SOCS2: variants seen among roughly 807,000 people sequenced by gnomAD.
SOCS2 encodes the protein suppressor of cytokine signaling 2.
In SOCS2, 10 loss-of-function variants were observed where a neutral mutation model predicts 18.6. The ratio of observed to expected loss-of-function variants is 0.54; its 90% CI spans 0.33 to 0.91. The LOEUF is 0.91. SOCS2 is among the 40% of genes least tolerant of loss of function. The pLI is 0.02. For synonymous variants in SOCS2, 104 were observed against 104.0 expected (o/e 1.00, Z 0.00); for missense variants, 231 against 247.2 (o/e 0.93, Z 0.44).
At chr12:93,599,736 G>C in the SOCS2 span, among the ~76,000 whole-genome samples, 1 of 152,176 alleles carries the variant, frequency 6.6e-6, no homozygotes, top group Non-Finnish European at 1.5e-5. Context: ...GAGTGGGTTT[G>C]TTATAAAAGC....
chr12:93,615,809 T>G, the SOCS2 span, among the ~76,000 whole-genome samples: 4 of 152,332 alleles, frequency 2.6e-5, no homozygotes, highest in South Asian at 8.3e-4. Flanking sequence ...TTGACCAGGC[T>G]GGTCTCAAAC....
chr12:93,615,351 C>T, the SOCS2 span, among the ~76,000 whole-genome samples: 3 of 152,152 alleles, frequency 2.0e-5, no homozygotes, highest in Admixed American at 1.3e-4. Context: ...AGATTCCATC[C>T]GTTTCTCTCC....
chr12:93,604,730 G>A, the SOCS2 span, among the ~76,000 whole-genome samples: 1 of 152,188 alleles, frequency 6.6e-6, no homozygotes, highest in South Asian at 2.1e-4. Flanking sequence ...TGCGATCACA[G>A]CTCACTGTAG....
At chr12:93,626,008 AC>A in the SOCS2 span, among the ~76,000 whole-genome samples, 2 of 152,146 alleles carry the variant, frequency 1.3e-5, no homozygotes, top group African/African-American at 4.8e-5. Flanking sequence ...GATAAAAGCA[AC>A]AACAGAAGCA....
At chr12:93,618,403 C>T in the SOCS2 span, among the ~76,000 whole-genome samples, 5 of 152,186 alleles carry the variant, frequency 3.3e-5, no homozygotes, top group Non-Finnish European at 7.3e-5. Flanking sequence ...AGGCCTCCCA[C>T]CCAAGCCCTT....
At chr12:93,620,198 A>C in the SOCS2 span, among the ~76,000 whole-genome samples, 2 of 152,310 alleles carry the variant, frequency 1.3e-5, no homozygotes. Context: ...TATACTGTAT[A>C]AACAACTTGT....
the SOCS2 span, among the ~76,000 whole-genome samples, chr12:93,622,822 CCTAA>C: frequency 1.9e-3 from 287 of 152,252 alleles, 1 homozygote; most frequent in South Asian, 0.014. Flanking sequence ...CACCTATTTA[CCTAA>C]CTGAGGGCAA....
chr12:93,572,667 C>T (rs1331287463), upstream of SOCS2: 1 of 715,104 alleles, frequency 1.4e-6, no homozygotes. The surrounding 1 kb of genome is among the most constrained non-coding windows in gnomAD (Gnocchi z 5.0). Flanking sequence ...GACCCAACCT[C>T]CCGCTTTCTC....
chr12:93,590,965 T>C, the SOCS2 span, among the ~76,000 whole-genome samples: 5,250 of 152,122 alleles, frequency 0.035, 108 homozygotes, highest in Middle Eastern at 0.054. Flanking sequence ...TCTTTAAACT[T>C]ACTGGCTTTT....
chr12:93,604,999 T>C, the SOCS2 span, among the ~76,000 whole-genome samples: 2 of 151,490 alleles, frequency 1.3e-5, 1 homozygote, highest in Admixed American at 1.3e-4. Context: ...CTCACATGTA[T>C]AGGGTAAAAT....
the SOCS2 span, among the ~76,000 whole-genome samples, chr12:93,604,753 G>A: frequency 1.3e-5 from 2 of 151,948 alleles, no homozygotes; most frequent in Non-Finnish European, 2.9e-5. Context: ...TTGACCTCCC[G>A]GGCTCTAGTG....
chr12:93,614,407 T>TCC, the SOCS2 span, among the ~76,000 whole-genome samples: 1 of 142,680 alleles, frequency 7.0e-6, no homozygotes, highest in African/African-American at 2.7e-5. Context: ...CTTTCTTTCT[T>TCC]TCTTTCTTTC....
rs751285700 is a variant in SOCS2 at position 93,575,122 on chromosome 12, A to C, written c.540A>C (p.Gly180=). The C allele has an allele frequency of 6.3e-7, 1 of 1,594,402 alleles. No individual in the cohort carries two copies. Among genetic ancestry groups the C allele is most frequent in the East Asian group, 2.2e-5 (1 of 44,828 alleles). ...ACAAATGTACCGGTGCCATCTGGGG[A>C]CTGCCTTTACCAACAAGACTAAAAG... is the stretch of plus-strand genomic sequence containing the variant. ...TINKCTGAIW[G]LPLPTRLKDY... The change falls in exon 2 of 2, where the codon GGA becomes GGC. Residue 180 remains glycine, a synonymous_variant. Transcript: ENST00000551556.
the SOCS2 span, among the ~76,000 whole-genome samples, chr12:93,610,035 G>A: frequency 6.6e-6 from 1 of 152,130 alleles, no homozygotes; most frequent in Non-Finnish European, 1.5e-5. Context: ...AGAGAGCAGA[G>A]CCCTCATGAT....
At chr12:93,612,016 G>C in the SOCS2 span, among the ~76,000 whole-genome samples, 1 of 152,098 alleles carries the variant, frequency 6.6e-6, no homozygotes, top group South Asian at 2.1e-4. Context: ...GTCAGGCCTT[G>C]TCATTTCTGG....
At chr12:93,621,004 T>G in the SOCS2 span, among the ~76,000 whole-genome samples, 2 of 152,206 alleles carry the variant, frequency 1.3e-5, no homozygotes, top group Admixed American at 1.3e-4. Flanking sequence ...TGAGGAGAGC[T>G]GCAGTCATGA....
upstream of SOCS2, chr12:93,570,349 G>C (rs1016159038): frequency 2.6e-5 from 4 of 152,686 alleles, no homozygotes; most frequent in Admixed American, 1.3e-4. Context: ...GACTAAGGAC[G>C]GCCGGCGCCG....
chr12:93,581,871 C>CCATTG (rs1373339104), intron 1 of SOCS2, among the ~76,000 whole-genome samples: 1 of 152,132 alleles, frequency 6.6e-6, no homozygotes, highest in Non-Finnish European at 1.5e-5. Context: ...CCCTGCTTAG[C>CCATTG]CATTGCATTT....
At chr12:93,607,260 G>T in the SOCS2 span, among the ~76,000 whole-genome samples, 1 of 152,074 alleles carries the variant, frequency 6.6e-6, no homozygotes, top group African/African-American at 2.4e-5. Context: ...TTATTTGAAG[G>T]AGAAAAAAGT....
Sources: gnomAD v4.1 joint callset for allele counts (sites outside exome capture counted in the v4.1 genomes callset) on GRCh38, gnomAD v4.1.1 for gene constraint, Gnocchi (gnomAD v3.1) non-coding constraint, MANE v1.5 for transcripts, NCBI Gene and HGNC (gene_info 2026-07-23, HGNC 2026-07-21) for gene names.